XRCC5: variants seen among roughly 807,000 people sequenced by gnomAD.
XRCC5 encodes DNA repair protein Ku80.
In XRCC5, 12 loss-of-function variants were observed where a neutral mutation model predicts 95.7. The ratio of observed to expected loss-of-function variants is 0.13; its 90% CI spans 0.08 to 0.20. The LOEUF is 0.20. XRCC5 is among the 10% of genes least tolerant of loss of function. The pLI is 1.00. For missense variants in XRCC5, 595 were observed against 873.9 expected (o/e 0.68, Z 4.02); for synonymous variants, 281 against 290.3 (o/e 0.97, Z 0.33).
chr2:216,167,790 AAC>A (rs753922303), intron 16 of XRCC5, among the ~76,000 whole-genome samples: 257 of 151,876 alleles, frequency 1.7e-3, no homozygotes, highest in Non-Finnish European at 2.0e-3. Context: ...GCTAAATACA[AAC>A]AGTCACTAAA....
intron 14 of XRCC5, chr2:216,156,287 A>G: frequency 3.6e-6 from 2 of 557,026 alleles, no homozygotes; most frequent in South Asian, 1.5e-5. Context: ...CAAGCAAAGC[A>G]GGTTCCAAAG....
chr2:216,142,605 A>T lies in XRCC5; in HGVS notation c.1476+1286A>T, dbSNP rs191918534. Among the ~76,000 whole-genome samples, 1,248 of 152,282 alleles carry T rather than the reference A, an allele frequency of 8.2e-3. 23 individuals are homozygous for T. Among genetic ancestry groups the T allele is most frequent in the African/African-American group, 0.028 (1,164 of 41,546 alleles). ...TGACCCCCACAAAACTGAAAAAAAA[A>T]TTATATAAGCAGCTTTTTAAGGCAA... On this transcript the variant is annotated intron_variant, in intron 13 of 20. Coordinates refer to ENST00000392132, the MANE Select transcript of XRCC5 (RefSeq NM_021141.4).
At chr2:216,187,232 G>A (rs536070738) in intron 16 of XRCC5, among the ~76,000 whole-genome samples, 12 of 152,092 alleles carry the variant, frequency 7.9e-5, no homozygotes, top group African/African-American at 2.2e-4. Flanking sequence ...GGAGGAAAGA[G>A]CACAACAGTC....
At chr2:216,190,149 A>T in intron 16 of XRCC5, 76 bp from the exon 17 acceptor site, 2 of 1,266,116 alleles carry the variant, frequency 1.6e-6, no homozygotes, top group Non-Finnish European at 1.1e-6. Flanking sequence ...ATACATACTT[A>T]TAGGCACAAA....
chr2:216,112,247 G>A (rs895586605), intron 1 of XRCC5, among the ~76,000 whole-genome samples: 3 of 152,048 alleles, frequency 2.0e-5, no homozygotes, highest in Non-Finnish European at 2.9e-5. Context: ...ATGTGATTCC[G>A]TCTGTCACTT....
At chr2:216,157,704 T>C (rs556987510) in intron 14 of XRCC5, among the ~76,000 whole-genome samples, 1 of 152,326 alleles carries the variant, frequency 6.6e-6, no homozygotes, top group Non-Finnish European at 1.5e-5. Context: ...ACATATTCAG[T>C]AAATATTAGG....
At chr2:216,134,283 C>G (rs1031194272) in intron 10 of XRCC5, among the ~76,000 whole-genome samples, 2 of 152,174 alleles carry the variant, frequency 1.3e-5, no homozygotes, top group Non-Finnish European at 2.9e-5. Flanking sequence ...TCTATACTTT[C>G]ATGTGCTGAT....
intron 19 of XRCC5, among the ~76,000 whole-genome samples, 168 bp downstream of exon 19, chr2:216,195,154 C>A (rs1005686192): frequency 3.3e-5 from 5 of 152,112 alleles, no homozygotes; most frequent in Admixed American, 6.5e-5. Context: ...AAATTATAAT[C>A]TTACTCAGTT....
intron 16 of XRCC5, chr2:216,175,406 TG>T: frequency 1.9e-6 from 1 of 517,232 alleles, no homozygotes; most frequent in Non-Finnish European, 3.9e-6. Flanking sequence ...ATCACCTCTG[TG>T]ATCCTGCAGA....
At chr2:216,155,670 A>G (rs1447707533) in intron 14 of XRCC5, among the ~76,000 whole-genome samples, 1 of 152,212 alleles carries the variant, frequency 6.6e-6, no homozygotes, top group African/African-American at 2.4e-5. Flanking sequence ...ACAGATCTCT[A>G]AGGTCACCAC....
intron 16 of XRCC5, among the ~76,000 whole-genome samples, chr2:216,162,945 G>C (rs1208340231): frequency 3.3e-5 from 5 of 152,258 alleles, no homozygotes; most frequent in Middle Eastern, 3.4e-3. Context: ...TCAGGTTTCT[G>C]TTCATTTACC....
intron 16 of XRCC5, among the ~76,000 whole-genome samples, chr2:216,164,990 G>C (rs1689027931): frequency 6.6e-6 from 1 of 152,190 alleles, no homozygotes; most frequent in African/African-American, 2.4e-5. Context: ...GAGCAGTCTT[G>C]TGAAAATAGC....
intron 16 of XRCC5, among the ~76,000 whole-genome samples, chr2:216,164,586 T>G (rs1689018503): frequency 6.6e-6 from 1 of 152,190 alleles, no homozygotes; most frequent in Admixed American, 6.5e-5. Flanking sequence ...CTTGGTTGGC[T>G]AGTCCAGAGG....
chr2:216,166,748 A>G (rs1244987337), intron 16 of XRCC5, among the ~76,000 whole-genome samples: 1 of 152,136 alleles, frequency 6.6e-6, no homozygotes, highest in Non-Finnish European at 1.5e-5. Flanking sequence ...TCAAGAAGGA[A>G]AAGCCACATT....
intron 1 of XRCC5, 24 bp downstream of exon 1, chr2:216,109,481 G>C (rs544521971): frequency 1.2e-6 from 2 of 1,613,548 alleles, no homozygotes; most frequent in African/African-American, 1.3e-5. Context: ...CATGGACTTG[G>C]GCTTTACCCG....
At chr2:216,116,460 T>TA (rs1404161542) in intron 2 of XRCC5, among the ~76,000 whole-genome samples, 199 bp from the exon 3 acceptor site, 1 of 152,156 alleles carries the variant, frequency 6.6e-6, no homozygotes, top group Non-Finnish European at 1.5e-5. Flanking sequence ...GGGTGAGACT[T>TA]ATGGTCAATG....
chr2:216,204,247 AT>A, intron 19 of XRCC5, 74 bp from the exon 20 acceptor site: 1 of 1,543,538 alleles, frequency 6.5e-7, no homozygotes, highest in South Asian at 1.1e-5. Context: ...TGCTGTGGCA[AT>A]GCTAGCAGAT....
At chr2:216,179,831 C>T (rs1689349113) in intron 16 of XRCC5, among the ~76,000 whole-genome samples, 1 of 152,088 alleles carries the variant, frequency 6.6e-6, no homozygotes, top group African/African-American at 2.4e-5. Flanking sequence ...AGCGAATGAT[C>T]TGGTTTTATA....
chr2:216,134,599 T>C (rs1397491019), intron 10 of XRCC5, among the ~76,000 whole-genome samples: 1 of 151,988 alleles, frequency 6.6e-6, no homozygotes, highest in Non-Finnish European at 1.5e-5. Context: ...GGCTAATTTT[T>C]GTATTTTTTG....
Sources: gnomAD v4.1 joint callset for allele counts (sites outside exome capture counted in the v4.1 genomes callset) on GRCh38, gnomAD v4.1.1 for gene constraint, MANE v1.5 for transcripts, NCBI Gene and HGNC (gene_info 2026-07-23, HGNC 2026-07-21) for gene names.